The following TMEM132D variants were observed in gnomAD, a reference collection of about 807,000 sequenced individuals.
TMEM132D encodes transmembrane protein 132D.
TMEM132D carries 21 observed loss-of-function variants against 62.3 expected under a neutral mutation model. The observed-to-expected ratio is 0.34, with a 90% CI of 0.24 to 0.49. The LOEUF is 0.49. Among genes scored for constraint, TMEM132D ranks in the 20% least tolerant of loss-of-function variants. TMEM132D has a pLI of 0.99. For synonymous variants in TMEM132D, 621 were observed against 575.6 expected (o/e 1.08, Z -1.13); for missense variants, 1,346 against 1,402.8 (o/e 0.96, Z 0.65).
intron 1 of TMEM132D, among the ~76,000 whole-genome samples, chr12:129,710,760 C>T (rs1203615905): frequency 2.0e-5 from 3 of 152,250 alleles, no homozygotes; most frequent in South Asian, 4.2e-4. Flanking sequence ...CTTGAAAGCC[C>T]GCAGCCATGC....
At chr12:129,542,754 G>T (rs1051317589) in intron 2 of TMEM132D, among the ~76,000 whole-genome samples, 1 of 152,106 alleles carries the variant, frequency 6.6e-6, no homozygotes, top group Non-Finnish European at 1.5e-5. Flanking sequence ...GTCATGCACT[G>T]CACGACATTT....
At chr12:129,834,766 A>G (rs538888093) in intron 1 of TMEM132D, among the ~76,000 whole-genome samples, 1 of 152,218 alleles carries the variant, frequency 6.6e-6, no homozygotes, top group African/African-American at 2.4e-5. Flanking sequence ...AAATCATCTG[A>G]ATCTCACCAT....
rs556276794 is a variant in TMEM132D, at chr12:129,513,571, G to A, written c.1115+17488C>T. On this transcript the variant is annotated intron_variant, in intron 3 of 8. Coordinates refer to ENST00000422113, the MANE Select transcript of TMEM132D (RefSeq NM_133448.3). ...GCGATCTCGGCTCACTGCAAGCTTC[G>A]CCTCCCGGGTTCACGCCATTCTCCT... 2.2e-4 allele frequency among the ~76,000 whole-genome samples: 34 copies of A among 151,682 alleles called. No individual in the cohort carries two copies. In the South Asian group the frequency reaches 5.0e-3, roughly 22 times the overall value.
chr12:129,711,822 A>G (rs1351413760), intron 1 of TMEM132D, among the ~76,000 whole-genome samples: 5 of 148,340 alleles, frequency 3.4e-5, no homozygotes, highest in Admixed American at 6.8e-5. Flanking sequence ...TACATTATAT[A>G]TTATATAAAG....
chr12:129,080,904 C>T (rs774580350), intron 7 of TMEM132D, among the ~76,000 whole-genome samples: 4 of 152,164 alleles, frequency 2.6e-5, no homozygotes, highest in South Asian at 2.1e-4. Flanking sequence ...TGGTCCTCTC[C>T]GTCACCCGCT....
intron 3 of TMEM132D, among the ~76,000 whole-genome samples, chr12:129,385,085 CTTTTTTTT>C (rs869098367): frequency 3.5e-5 from 3 of 86,874 alleles, no homozygotes; most frequent in East Asian, 3.9e-4. Flanking sequence ...TGTTAAAGTT[CTTTTTTTT>C]TTTTTTTTTT....
intron 2 of TMEM132D, among the ~76,000 whole-genome samples, chr12:129,620,834 G>T (rs995011436): frequency 6.6e-6 from 1 of 152,190 alleles, no homozygotes. Flanking sequence ...GGATGAGGAA[G>T]AGGAAGGGAA....
At chr12:129,408,492 A>C (rs1267679738) in intron 3 of TMEM132D, among the ~76,000 whole-genome samples, 3 of 150,968 alleles carry the variant, frequency 2.0e-5, no homozygotes, top group Non-Finnish European at 4.4e-5. Context: ...TGATGTCTTA[A>C]TCCTTATCCC....
At chr12:129,192,061 T>C (rs970174393) in intron 5 of TMEM132D, among the ~76,000 whole-genome samples, 3 of 152,200 alleles carry the variant, frequency 2.0e-5, no homozygotes, top group African/African-American at 7.2e-5. Context: ...AGAAAACAAA[T>C]TCACATCTAG....
chr12:129,722,737 TTTTTC>T (rs1868884203), intron 1 of TMEM132D, among the ~76,000 whole-genome samples: 1 of 33,642 alleles, frequency 3.0e-5, no homozygotes, highest in African/African-American at 6.7e-5. Context: ...CCTTTTTCTT[TTTTTC>T]TTTTTTTTTT....
At position 129,813,611 on chromosome 12, in the gene TMEM132D, G is replaced by GATATATATATATATAT. The variant is rs3046846; in HGVS notation, c.79+89634_79+89649dup. 2.8e-3 allele frequency among the ~76,000 whole-genome samples: 386 copies of GATATATATATATATAT among 136,616 alleles called. 5 individuals carry two copies. The highest frequency in any genetic ancestry group is 6.8e-3 in the African/African-American group (260 of 38,092). 89.6% of individuals were successfully genotyped at this position (136,616 alleles called of 152,430 possible). The stretch of plus-strand genomic sequence containing the variant: ...AAGGATGGACGGATACAGAAAATGT[G>GATATATATATATATAT]ATATATATATATATATATATTTTCA... On this transcript the variant is annotated intron_variant, in intron 1 of 8. Transcript: ENST00000422113.
At chr12:129,711,298 T>C (rs573723598) in intron 1 of TMEM132D, among the ~76,000 whole-genome samples, 3 of 152,308 alleles carry the variant, frequency 2.0e-5, no homozygotes, top group South Asian at 4.1e-4. Context: ...CTGTGTACAA[T>C]CCACAACATA....
At chr12:129,588,761 T>C (rs1287740952) in intron 2 of TMEM132D, among the ~76,000 whole-genome samples, 1 of 148,502 alleles carries the variant, frequency 6.7e-6, no homozygotes, top group Non-Finnish European at 1.5e-5. Context: ...TTTTTTTTTT[T>C]TTTTGTATTT....
intron 3 of TMEM132D, among the ~76,000 whole-genome samples, chr12:129,447,016 G>T (rs1419742863): frequency 2.0e-5 from 3 of 152,122 alleles, no homozygotes; most frequent in African/African-American, 7.2e-5. Context: ...AAGCTAATCT[G>T]CAGTGTAGAG....
chr12:129,483,405 C>A (rs1399420066), intron 3 of TMEM132D, among the ~76,000 whole-genome samples: 2 of 152,178 alleles, frequency 1.3e-5, no homozygotes, highest in Non-Finnish European at 2.9e-5. Flanking sequence ...AACACACACC[C>A]AAGGTTGAGA....
At chr12:129,442,746 G>T (rs1003931545) in intron 3 of TMEM132D, among the ~76,000 whole-genome samples, 1 of 152,168 alleles carries the variant, frequency 6.6e-6, no homozygotes, top group Non-Finnish European at 1.5e-5. Context: ...ACTTGGGTAA[G>T]ATTGGATATA....
chr12:129,514,681 A>G (rs886954093), intron 3 of TMEM132D, among the ~76,000 whole-genome samples: 16 of 152,204 alleles, frequency 1.1e-4, no homozygotes, highest in African/African-American at 3.9e-4. Flanking sequence ...GATGCCTAAT[A>G]TACATTTGCT....
intron 3 of TMEM132D, among the ~76,000 whole-genome samples, chr12:129,481,633 G>A (rs2137053761): frequency 6.6e-6 from 1 of 152,318 alleles, no homozygotes; most frequent in South Asian, 2.1e-4. Flanking sequence ...GTTTTCAGCT[G>A]TAATATTGTC....
chr12:129,516,587 A>C (rs1178204141), intron 3 of TMEM132D, among the ~76,000 whole-genome samples: 1 of 152,124 alleles, frequency 6.6e-6, no homozygotes, highest in Non-Finnish European at 1.5e-5. Flanking sequence ...GTATGGAGGA[A>C]ACTGCCCCCA....
Sources: gnomAD v4.1 joint callset for allele counts (sites outside exome capture counted in the v4.1 genomes callset) on GRCh38, gnomAD v4.1.1 for gene constraint, MANE v1.5 for transcripts, NCBI Gene and HGNC (gene_info 2026-07-23, HGNC 2026-07-21) for gene names.